KLF12: variants seen among roughly 807,000 people sequenced by gnomAD.
KLF12 encodes Krueppel-like factor 12.
A neutral mutation model predicts 37.8 loss-of-function variants in KLF12; 9 were observed. That is an observed-to-expected ratio of 0.24 (90% confidence interval 0.14 to 0.42). KLF12 has a LOEUF of 0.42. KLF12 is among the 10% of genes least tolerant of loss of function. KLF12 has a pLI of 1.00. For missense variants in KLF12, 411 were observed against 516.0 expected, an observed-to-expected ratio of 0.80 and a Z score of 1.97; for synonymous variants, 208 against 202.1, an observed-to-expected ratio of 1.03 and a Z score of -0.25.
At chr13:73,930,619 G>A (rs1037346836) in intron 3 of KLF12, among the ~76,000 whole-genome samples, 2 of 152,098 alleles carry the variant, frequency 1.3e-5, no homozygotes, top group African/African-American at 4.8e-5. Flanking sequence ...AGACACACAT[G>A]ATAAGACATA....
intron 3 of KLF12, among the ~76,000 whole-genome samples, chr13:73,898,013 T>C (rs779422421): frequency 2.0e-5 from 3 of 152,176 alleles, no homozygotes; most frequent in Admixed American, 6.5e-5. Context: ...GCAGGGGTCC[T>C]TGTAAAGATA....
chr13:73,907,318 C>T (rs1482344362), intron 3 of KLF12, among the ~76,000 whole-genome samples: 3 of 152,104 alleles, frequency 2.0e-5, no homozygotes, highest in African/African-American at 7.2e-5. Context: ...CTCACTGAGC[C>T]GGCCTCTTGA....
chr13:73,897,561 C>G (rs1887846172), intron 3 of KLF12, among the ~76,000 whole-genome samples: 1 of 149,786 alleles, frequency 6.7e-6, no homozygotes, highest in African/African-American at 2.4e-5. Flanking sequence ...ATGTCTCCTC[C>G]TTTTTCAACC....
intron 3 of KLF12, among the ~76,000 whole-genome samples, chr13:73,886,826 T>C (rs865792234): frequency 2.0e-5 from 3 of 151,930 alleles, no homozygotes; most frequent in Non-Finnish European, 4.4e-5. Context: ...ACCCAGTCTC[T>C]ACTAAAAATA....
Position 73,958,450 on chromosome 13 carries a change from C to T in KLF12, c.34-14380G>A, listed in dbSNP as rs144926224. 3.3e-3 allele frequency among the ~76,000 whole-genome samples: 508 copies of T among 152,158 alleles called. 3 individuals carry two copies. Among genetic ancestry groups the T allele is most frequent in the African/African-American group, 0.011 (475 of 41,510 alleles). Reference sequence around the variant, plus strand: ...TAGAGACAGGGTTTCACCATGTTGACCAGGCTGGACTTGAACTCCTGACAT... The same window carrying T: ...TAGAGACAGGGTTTCACCATGTTGATCAGGCTGGACTTGAACTCCTGACAT... On this transcript the variant is annotated intron_variant, in intron 2 of 7. Transcript: ENST00000377669.
chr13:74,170,660 T>C, the KLF12 span, among the ~76,000 whole-genome samples: 3 of 152,250 alleles, frequency 2.0e-5, no homozygotes, highest in Non-Finnish European at 2.9e-5. Context: ...CAGCCTCAGA[T>C]GATTATTGCA....
At chr13:73,711,979 T>C (rs1166013037) in intron 7 of KLF12, among the ~76,000 whole-genome samples, 1 of 152,026 alleles carries the variant, frequency 6.6e-6, no homozygotes, top group Non-Finnish European at 1.5e-5. Flanking sequence ...ATCGATGACT[T>C]TGAGGGATTC....
At chr13:74,130,032 A>G (rs944264312) in intron 1 of KLF12, among the ~76,000 whole-genome samples, 5 of 152,222 alleles carry the variant, frequency 3.3e-5, no homozygotes, top group African/African-American at 1.2e-4. Context: ...GAAACTTAGC[A>G]GGTCTAACAG....
At chr13:73,915,153 C>T (rs1888755672) in intron 3 of KLF12, among the ~76,000 whole-genome samples, 1 of 152,160 alleles carries the variant, frequency 6.6e-6, no homozygotes, top group Non-Finnish European at 1.5e-5. Context: ...AATTTCTGTT[C>T]CATCCTCACA....
At chr13:73,924,136 A>G (rs1889259180) in intron 3 of KLF12, among the ~76,000 whole-genome samples, 1 of 152,262 alleles carries the variant, frequency 6.6e-6, no homozygotes, top group Admixed American at 6.5e-5. Flanking sequence ...GGACTCAGGT[A>G]GAGCATGGCC....
chr13:74,023,073 C>T (rs1011181353), intron 1 of KLF12, among the ~76,000 whole-genome samples: 1 of 152,202 alleles, frequency 6.6e-6, no homozygotes, highest in Middle Eastern at 3.2e-3. Flanking sequence ...ATTCTCTGCT[C>T]TAGCTGCATA....
In KLF12 at chr13:73,693,499, C is replaced by T. The variant is rs937157695; in HGVS notation, c.*1991G>A. 2 of 152,190 alleles carry T rather than the reference C, an allele frequency of 1.3e-5. No homozygotes were observed. The highest frequency in any genetic ancestry group is 2.9e-5 in the Non-Finnish European group (2 of 68,040). The allele number at this position is 152,190 out of a possible 1,614,324, so 9.4% of individuals were successfully genotyped here. On this transcript the variant is annotated 3_prime_UTR_variant, in exon 8 of 8. Coordinates refer to ENST00000377669, the MANE Select transcript of KLF12 (RefSeq NM_007249.5). ...ATAATTTGACCTGAAAATCATTACACTGTTGCTTAATGTTTTAAAAAATTC... is the reference window on the plus strand; with the variant it reads ...ATAATTTGACCTGAAAATCATTACATTGTTGCTTAATGTTTTAAAAAATTC...
At chr13:73,704,308 T>C (rs1266282641) in intron 7 of KLF12, among the ~76,000 whole-genome samples, 1 of 152,202 alleles carries the variant, frequency 6.6e-6, no homozygotes, top group African/African-American at 2.4e-5. Flanking sequence ...ATCTTCAATA[T>C]GAGCAAAACT....
At chr13:73,912,601 A>T (rs577259692) in intron 3 of KLF12, among the ~76,000 whole-genome samples, 3 of 152,248 alleles carry the variant, frequency 2.0e-5, no homozygotes, top group Admixed American at 2.0e-4. Context: ...AGAGGCATGG[A>T]AGCTTCTCTC....
chr13:73,978,153 T>C (rs770660772), intron 2 of KLF12, among the ~76,000 whole-genome samples: 9 of 152,098 alleles, frequency 5.9e-5, no homozygotes, highest in Non-Finnish European at 8.8e-5. Context: ...ATTTTTGCTA[T>C]GTGAAAGACA....
At chr13:73,733,148 T>C (rs961262215) in intron 6 of KLF12, among the ~76,000 whole-genome samples, 3 of 152,178 alleles carry the variant, frequency 2.0e-5, no homozygotes, top group Non-Finnish European at 4.4e-5. Flanking sequence ...TGTAATGAAA[T>C]ATACATAGCA....
intron 3 of KLF12, among the ~76,000 whole-genome samples, chr13:73,907,704 T>C (rs1289624833): frequency 1.3e-5 from 2 of 152,180 alleles, no homozygotes. Context: ...GGTTCCACAA[T>C]GTCAGTGCAG....
chr13:74,039,215 C>G (rs1268163693), intron 1 of KLF12, among the ~76,000 whole-genome samples: 1 of 152,122 alleles, frequency 6.6e-6, no homozygotes, highest in African/African-American at 2.4e-5. Flanking sequence ...CCTATCCTAA[C>G]ATTACATCTG....
At chr13:73,847,906 C>A (rs1327257959) in intron 3 of KLF12, among the ~76,000 whole-genome samples, 1 of 152,156 alleles carries the variant, frequency 6.6e-6, no homozygotes, top group Non-Finnish European at 1.5e-5. Flanking sequence ...AACAGTATTT[C>A]AATTTCAGCA....
Sources: allele counts gnomAD v4.1 joint callset (sites outside exome capture counted in the v4.1 genomes callset), GRCh38; gene constraint gnomAD v4.1.1; transcripts MANE v1.5; gene names NCBI Gene and HGNC (gene_info 2026-07-23, HGNC 2026-07-21).